Variants in NDUFAF6 observed in about 807,000 individuals in gnomAD.
NDUFAF6 encodes NADH:ubiquinone oxidoreductase complex assembly factor 6, also known as NADH dehydrogenase (ubiquinone) complex I, assembly factor 6.
NDUFAF6 carries 45 observed loss-of-function variants against 40.8 expected under a neutral mutation model. The ratio of observed to expected loss-of-function variants is 1.10; its 90% CI spans 0.87 to 1.42. The LOEUF (loss-of-function observed/expected upper bound fraction) is 1.42, where lower values mean the gene tolerates loss of function less well. Ranked by LOEUF, NDUFAF6 falls within the 40% of genes most tolerant of loss-of-function variation. The pLI is 0.00. For synonymous variants in NDUFAF6, 185 were observed against 155.9 expected, an observed-to-expected ratio of 1.19 and a Z score of -1.39; for missense variants, 435 against 418.5, an observed-to-expected ratio of 1.04 and a Z score of -0.34.
chr8:94,973,371 C>T (rs972746360), intron 1 of NDUFAF6, among the ~76,000 whole-genome samples: 5 of 152,166 alleles, frequency 3.3e-5, no homozygotes, highest in Admixed American at 6.5e-5. Context: ...CATGCCTTCT[C>T]CCCCATGAGG....
chr8:95,006,388 A>T (rs1826986591), intron 2 of NDUFAF6, among the ~76,000 whole-genome samples: 1 of 151,732 alleles, frequency 6.6e-6, no homozygotes, highest in Non-Finnish European at 1.5e-5. Flanking sequence ...AAAGAAAAGA[A>T]AAAGAAAAAA....
At chr8:94,960,704 T>C (rs367583187) in intron 1 of NDUFAF6, among the ~76,000 whole-genome samples, 17 of 152,244 alleles carry the variant, frequency 1.1e-4, no homozygotes, top group Non-Finnish European at 1.3e-4. Context: ...TGTATGTTTA[T>C]GTCCTCTTTC....
At chr8:95,096,214 A>G (rs558944730), upstream of NDUFAF6, among the ~76,000 whole-genome samples, 39 of 152,298 alleles carry the variant, frequency 2.6e-4, no homozygotes, top group South Asian at 6.6e-3. Flanking sequence ...GGCAGTGGGT[A>G]TGGAAAGTTG....
In NDUFAF6 at chr8:95,058,336, G is replaced by T; in HGVS notation, c.*399G>T. On this transcript the variant is annotated 3_prime_UTR_variant, in exon 9 of 9. Coordinates refer to ENST00000396124, the MANE Select transcript of NDUFAF6 (RefSeq NM_152416.4). ...ATCATAGGGGCTTACATGCTGAGCA[G>T]CTATAACCTAGGTGTTCAGAACACC... The T allele has an allele frequency of 8.0e-7, 1 of 1,249,250 alleles. No homozygotes were observed. The highest frequency in any genetic ancestry group is 1.0e-6 in the Non-Finnish European group (1 of 998,404). 77.4% of individuals were successfully genotyped at this position (1,249,250 alleles called of 1,614,324 possible).
chr8:95,023,077 T>C (rs946764639), upstream of NDUFAF6: 28 of 152,216 alleles, frequency 1.8e-4, no homozygotes, highest in African/African-American at 6.3e-4. Context: ...AACTTTAAAA[T>C]TAGATTTAGA....
chr8:95,116,470 A>T (rs566609224), downstream of NDUFAF6: 4 of 152,298 alleles, frequency 2.6e-5, no homozygotes, highest in African/African-American at 9.6e-5. Context: ...CTCCCACCTC[A>T]GCCCCCCAAG....
chr8:94,960,508 A>C (rs2131474117), intron 1 of NDUFAF6, among the ~76,000 whole-genome samples: 1 of 152,328 alleles, frequency 6.6e-6, no homozygotes, highest in Admixed American at 6.5e-5. Context: ...TGAACAAGGA[A>C]TTGAGTGAGC....
chr8:94,948,053 T>C (rs945281681), intron 2 of NDUFAF6, among the ~76,000 whole-genome samples: 1 of 152,200 alleles, frequency 6.6e-6, no homozygotes, highest in African/African-American at 2.4e-5. Context: ...CCAAAACTAT[T>C]GTGCATTGAG....
chr8:95,022,390 T>C (rs1299385590), upstream of NDUFAF6, among the ~76,000 whole-genome samples: 1 of 151,496 alleles, frequency 6.6e-6, no homozygotes, highest in Non-Finnish European at 1.5e-5. Flanking sequence ...ACGCAATAGT[T>C]AAAAGAGTTT....
chr8:95,043,852 A>G (rs1330087210), intron 4 of NDUFAF6, among the ~76,000 whole-genome samples: 1 of 152,240 alleles, frequency 6.6e-6, no homozygotes, highest in Admixed American at 6.5e-5. Context: ...AGAGATAAAC[A>G]TAGGAGTTAT....
At chr8:94,933,507 G>C (rs986791867) in intron 1 of NDUFAF6, among the ~76,000 whole-genome samples, 1 of 152,112 alleles carries the variant, frequency 6.6e-6, no homozygotes, top group Non-Finnish European at 1.5e-5. Flanking sequence ...GCTCATACCT[G>C]TAATCCCAGC....
At chr8:95,094,530 AG>A (rs1416918607) in intron 2 of NDUFAF6, among the ~76,000 whole-genome samples, 3 of 145,822 alleles carry the variant, frequency 2.1e-5, no homozygotes, top group Non-Finnish European at 4.5e-5. Context: ...ATCCTACCTT[AG>A]CCTCCCAAGT....
At chr8:94,956,519 G>A (rs1338245209), upstream of NDUFAF6, among the ~76,000 whole-genome samples, 1 of 152,210 alleles carries the variant, frequency 6.6e-6, no homozygotes, top group African/African-American at 2.4e-5. Flanking sequence ...GAGGTGGGCA[G>A]GGTCTGGGTC....
At chr8:95,054,186 A>G (rs1293355110) in intron 8 of NDUFAF6, among the ~76,000 whole-genome samples, 1 of 151,644 alleles carries the variant, frequency 6.6e-6, no homozygotes, top group Non-Finnish European at 1.5e-5. Flanking sequence ...AACCCAAGCA[A>G]TCCTCCAGCC....
At chr8:95,053,924 G>GATTTTTTT (rs1563837664) in intron 8 of NDUFAF6, among the ~76,000 whole-genome samples, 1 of 76,168 alleles carries the variant, frequency 1.3e-5, no homozygotes, top group Non-Finnish European at 2.5e-5. Context: ...ACCGTGCCCG[G>GATTTTTTT]CTTTTTTTTT....
chr8:95,043,495 A>G (rs558485067), intron 4 of NDUFAF6, among the ~76,000 whole-genome samples: 1 of 152,254 alleles, frequency 6.6e-6, no homozygotes, highest in East Asian at 1.9e-4. Context: ...CTGATAAGGG[A>G]CAATTATCTA....
intron 2 of NDUFAF6, among the ~76,000 whole-genome samples, chr8:95,008,265 T>C (rs1210830284): frequency 6.6e-6 from 1 of 152,232 alleles, no homozygotes; most frequent in Non-Finnish European, 1.5e-5. Context: ...ATGATCATCA[T>C]CAACTCTTAC....
At chr8:94,985,472 TATATATATATATA>T (rs1825743755) in intron 2 of NDUFAF6, among the ~76,000 whole-genome samples, 1 of 1,018 alleles carries the variant, frequency 9.8e-4, no homozygotes, top group Non-Finnish European at 2.0e-3. Context: ...AATAATTATA[TATATATATATATA>T]TATATATATA....
At chr8:95,091,680 C>T (rs190700458) in intron 2 of NDUFAF6, among the ~76,000 whole-genome samples, 1 of 151,820 alleles carries the variant, frequency 6.6e-6, no homozygotes, top group African/African-American at 2.4e-5. Context: ...GAGTCCTGCA[C>T]CCATGCTGGA....
Sources: gnomAD v4.1 joint callset for allele counts (sites outside exome capture counted in the v4.1 genomes callset) on GRCh38, gnomAD v4.1.1 for gene constraint, MANE v1.5 for transcripts, NCBI Gene and HGNC (gene_info 2026-07-23, HGNC 2026-07-21) for gene names.